Variants in CYP1A1 observed in about 807,000 individuals in gnomAD.
The protein encoded by CYP1A1 is cytochrome P450 1A1.
In CYP1A1, 43 loss-of-function variants were observed where a neutral mutation model predicts 33.6. The ratio of observed to expected loss-of-function variants is 1.28; its 90% CI spans 1.00 to 1.65. CYP1A1 has a LOEUF of 1.65. Among genes scored for constraint, CYP1A1 ranks in the 40% most tolerant of loss-of-function variants. The probability of loss-of-function intolerance (pLI) is 0.00; values close to 1 mark genes in which losing one functional copy is unlikely to be tolerated. For synonymous variants in CYP1A1, 280 were observed against 257.8 expected (o/e 1.09, Z -0.83); for missense variants, 637 against 653.7 (o/e 0.97, Z 0.28).
At chr15:74,721,542 G>A in intron 3 of CYP1A1, 39 bp from the exon 4 acceptor site, 4 of 1,614,170 alleles carry the variant, frequency 2.5e-6, no homozygotes, top group Non-Finnish European at 3.4e-6. Context: ...GCAGGCAGCA[G>A]CAGGTCAGGG....
At chr15:74,724,168 C>T (rs761549094) in intron 1 of CYP1A1, among the ~76,000 whole-genome samples, 24 of 152,032 alleles carry the variant, frequency 1.6e-4, no homozygotes, top group Non-Finnish European at 3.2e-4. Context: ...TGCAGGTTAC[C>T]AGAGAGCAGA....
chr15:74,723,103 GTGTAGGGATCT>G lies in CYP1A1; in HGVS notation c.-17_-7del. The stretch of plus-strand genomic sequence containing the variant: ...ATGGAGATTGGGAAAAGCATGATCA[GTGTAGGGATCT>G]TGGAGGTGGCTGCTGAGAGAAGGTG... On this transcript the variant is annotated 5_prime_UTR_variant, in exon 2 of 7. Transcript: ENST00000379727. The G allele has an allele frequency of 6.5e-7, 1 of 1,544,632 alleles. No homozygotes were observed. The highest frequency in any genetic ancestry group is 8.7e-7 in the Non-Finnish European group (1 of 1,144,326).
Position 74,720,962 on chromosome 15 carries a change from C to G in CYP1A1, c.1253+5G>C. On this transcript the variant is annotated splice_donor_5th_base_variant and intron_variant, in intron 6 of 6. Transcript: ENST00000379727. ...CCAGCCTTTCCTCTGCATCTCTGAA[C>G]TTACTGGTCATGGTTGATCTGCCAC... 2 of 1,614,048 alleles carry G rather than the reference C, an allele frequency of 1.2e-6. No homozygotes were observed. The highest frequency in any genetic ancestry group is 4.5e-5 in the East Asian group (2 of 44,882).
chr15:74,722,756 G>A lies in CYP1A1; in HGVS notation c.342C>T (p.Leu114=), dbSNP rs868849623. ...AGGACATGCTCTGACCATTACTGAT[G>A]AGGGTGAAGGTGTAGAGGTCGGGCC... The part of the protein sequence containing the change: ...KGRPDLYTFT[L]ISNGQSMSFS... Residue 114 remains leucine, a synonymous_variant, in exon 2 of 7, where the codon CTC becomes CTT. Coordinates refer to ENST00000379727, the MANE Select transcript of CYP1A1 (RefSeq NM_001319217.2). The A allele has an allele frequency of 1.2e-6, 2 of 1,613,676 alleles. No individual in the cohort carries two copies. Among genetic ancestry groups the A allele is most frequent in the East Asian group, 4.5e-5 (2 of 44,888 alleles).
rs766508885 is a variant in CYP1A1, at chr15:74,721,321, G to T, written c.1044C>A (p.Asp348Glu). Reference protein sequence around the residue: ...RVQRKIQEELDTVIGRSRRPR... With the variant: ...RVQRKIQEELETVIGRSRRPR... ...GCCGCCGTGACCTGCCAATCACTGT[G>T]TCTGCAGAACACAGGGACAAGATGG... Residue 348 changes from aspartate to glutamate, a missense_variant and splice_region_variant, in exon 5 of 7, where the codon GAC (aspartate) becomes GAA (glutamate). Asp to Glu is a conservative substitution (Grantham distance 45). Coordinates refer to ENST00000379727, the MANE Select transcript of CYP1A1 (RefSeq NM_001319217.2). 1.2e-6 allele frequency: 2 copies of T among 1,613,822 alleles called. No homozygotes were observed. The highest frequency in any genetic ancestry group is 1.7e-6 in the Non-Finnish European group (2 of 1,179,848).
intron 1 of CYP1A1, chr15:74,725,111 G>C (rs933338604): frequency 6.6e-6 from 1 of 152,532 alleles, no homozygotes; most frequent in African/African-American, 2.4e-5. Context: ...ACATATTCCA[G>C]CCTGCCAGGT....
chr15:74,722,876 C>T lies in CYP1A1; in HGVS notation c.222G>A (p.Leu74=). ...CGGGTGTGGAGCCAATTCGGATCTG[C>T]AGCACGTCCCCATACTGCTGGCTCA... ...SRMSQQYGDV[L]QIRIGSTPVV... is the part of the protein sequence containing the mutation. Residue 74 remains leucine, a synonymous_variant, in exon 2 of 7, where the codon CTG becomes CTA. Coordinates refer to ENST00000379727, the MANE Select transcript of CYP1A1 (RefSeq NM_001319217.2). The T allele has an allele frequency of 6.2e-7, 1 of 1,614,168 alleles. No homozygotes were observed. The highest frequency in any genetic ancestry group is 8.5e-7 in the Non-Finnish European group (1 of 1,180,044).
rs767797064 is a variant in CYP1A1 at position 74,722,400 on chromosome 15, G to T, written c.698C>A (p.Pro233Gln). The change falls in exon 2 of 7, where the codon CCA (proline) becomes CAA (glutamine). Residue 233 changes from proline (P) to glutamine (Q), a missense_variant. Pro to Gln is a moderately conservative substitution (Grantham distance 76). Coordinates refer to ENST00000379727, the MANE Select transcript of CYP1A1 (RefSeq NM_001319217.2). Reference sequence around the variant, plus strand: ...GCGAAGAATAGGGATGAAGTCAGCTGGGTTTCCAGAGCCAACCACCTCCCC... The same window carrying T: ...GCGAAGAATAGGGATGAAGTCAGCTTGGTTTCCAGAGCCAACCACCTCCCC... ...NFGEVVGSGN[P>Q]ADFIPILRYL... 6 of 1,614,054 alleles carry T rather than the reference G, an allele frequency of 3.7e-6. No individual in the cohort carries two copies. Among genetic ancestry groups the T allele is most frequent in the Non-Finnish European group, 5.1e-6 (6 of 1,180,028 alleles).
chr15:74,722,182 C>G (rs914831452), intron 2 of CYP1A1, 91 bp downstream of exon 2: 1 of 1,075,532 alleles, frequency 9.3e-7, no homozygotes, highest in South Asian at 1.5e-5. Context: ...TGAGAACTTG[C>G]CAAGCCCCAT....
chr15:74,723,231 T>C (rs2063188948), intron 1 of CYP1A1, 105 bp from the exon 2 acceptor site: 1 of 644,782 alleles, frequency 1.6e-6, no homozygotes, highest in Admixed American at 3.1e-5. Flanking sequence ...CCACCAGAAC[T>C]GCTTACTGGG....
intron 1 of CYP1A1, chr15:74,725,034 C>T (rs2063204692): frequency 6.6e-6 from 1 of 152,276 alleles, no homozygotes; most frequent in African/African-American, 2.4e-5. Context: ...CCCAGCCCAC[C>T]CCCTCCATCC....
Position 74,722,917 on chromosome 15 carries a change from G to C in CYP1A1, c.181C>G (p.Leu61Val), listed in dbSNP as rs773817962. The C allele has an allele frequency of 6.2e-7, 1 of 1,614,198 alleles. No individual in the cohort carries two copies. Among genetic ancestry groups the C allele is most frequent in the East Asian group, 2.2e-5 (1 of 44,878 alleles). Residue 61 changes from leucine (L) to valine (V), a missense_variant, in exon 2 of 7, where the codon CTG (leucine) becomes GTG (valine). Coordinates refer to ENST00000379727, the MANE Select transcript of CYP1A1 (RefSeq NM_001319217.2). Reference sequence around the variant, plus strand: ...TGCTGGCTCATCCTTGACAGTGCCAGGTGCGGGTTCTTTCCCAGGGTCAGC... The same window carrying C: ...TGCTGGCTCATCCTTGACAGTGCCACGTGCGGGTTCTTTCCCAGGGTCAGC... ...HMLTLGKNPH[L>V]ALSRMSQQYG...
At position 74,721,417 on chromosome 15, in the gene CYP1A1, G is replaced by C. The variant is rs2063169130; in HGVS notation, c.1039C>G (p.Leu347Val). Residue 347 changes from leucine (L) to valine (V), a missense_variant, in exon 4 of 7, where the codon CTA (leucine) becomes GTA (valine). Coordinates refer to ENST00000379727, the MANE Select transcript of CYP1A1 (RefSeq NM_001319217.2). ...PRVQRKIQEE[L>V]DTVIGRSRRP... ...TTTGAAGGGAGCCACTACCTACCTA[G>C]CTCCTCTTGGATCTTTCTCTGTACC... The C allele has an allele frequency of 1.9e-6, 3 of 1,614,032 alleles. No homozygotes were observed. The Admixed American group carries it at 5.0e-5, about 27-fold the overall frequency.
At position 74,720,521 on chromosome 15, in the gene CYP1A1, A is replaced by AGCAG; in HGVS notation, c.1503_1506dup (p.Cys503LeufsTer3). The AGCAG allele has an allele frequency of 6.3e-7, 1 of 1,592,594 alleles. No individual in the cohort carries two copies. Among genetic ancestry groups the AGCAG allele is most frequent in the Non-Finnish European group, 8.6e-7 (1 of 1,169,570 alleles). On this transcript the variant is annotated frameshift_variant, in exon 7 of 7. Transcript: ENST00000379727. LOFTEE classifies it high-confidence loss of function. ...CGCAGCTGCATTTGGAAGTGCTCAC[A>AGCAG]GCAGGCATGCTTCATGGTTAGCCCA... is the stretch of plus-strand genomic sequence containing the variant.
rs1466561683 is a variant in CYP1A1, at chr15:74,721,207, G to A, written c.1158C>T (p.Ile386=). 4.3e-6 allele frequency: 7 copies of A among 1,612,392 alleles called. No homozygotes were observed. The South Asian group carries it at 6.6e-5, about 15-fold the overall frequency. ...GCTCCATGGGGCCTTACCTGTGGGGGATGGTGAAGGGGACGAAGGAAGAGT... is the reference window on the plus strand; with the variant it reads ...GCTCCATGGGGCCTTACCTGTGGGGAATGGTGAAGGGGACGAAGGAAGAGT... ...FRHSSFVPFT[I]PHSTTRDTSL... is the part of the protein sequence containing the mutation. The change falls in exon 5 of 7, where the codon ATC becomes ATT. Residue 386 remains isoleucine (I), a synonymous_variant. Transcript: ENST00000379727.
rs2063174578 is a variant in CYP1A1 at position 74,722,068 on chromosome 15, G to C, written c.825+205C>G. Reference sequence around the variant, plus strand: ...TAATGACTCTTCAGTGGCTATTGCTGTCTGTGGAAGCATGGAAGGGTTAGT... The same window carrying C: ...TAATGACTCTTCAGTGGCTATTGCTCTCTGTGGAAGCATGGAAGGGTTAGT... On this transcript the variant is annotated intron_variant, in intron 2 of 6. Transcript: ENST00000379727. 3 of 604,474 alleles carry C rather than the reference G, an allele frequency of 5.0e-6. No homozygotes were observed. The South Asian group carries it at 6.2e-5, about 12-fold the overall frequency. The allele number at this position is 604,474 out of a possible 1,614,324, so 37.4% of individuals were successfully genotyped here.
Position 74,720,572 on chromosome 15 carries a change from C to A in CYP1A1, c.1456G>T (p.Val486Leu), listed in dbSNP as rs749223641. The A allele has an allele frequency of 3.7e-6, 6 of 1,613,002 alleles. No individual in the cohort carries two copies. The highest frequency in any genetic ancestry group is 4.2e-6 in the Non-Finnish European group (5 of 1,179,516). The change falls in exon 7 of 7, where the codon GTG becomes TTG. Residue 486 changes from valine (V) to leucine (L), a missense_variant. By Grantham distance (32) the Val-to-Leu change is conservative (BLOSUM62 1). Transcript: ENST00000379727. ...TAGATGGGGGTCATGTCCACCTTCA[C>A]GCCCAGTGGCACGCTGAATTCCACC... The part of the protein sequence containing the change: ...QRVEFSVPLG[V>L]KVDMTPIYGL...
At position 74,720,584 on chromosome 15, in the gene CYP1A1, C is replaced by G; in HGVS notation, c.1444G>C (p.Val482Leu). The G allele has an allele frequency of 6.2e-7, 1 of 1,613,722 alleles. No homozygotes were observed. Among genetic ancestry groups the G allele is most frequent in the South Asian group, 1.1e-5 (1 of 91,002 alleles). Reference sequence around the variant, plus strand: ...ATGTCCACCTTCACGCCCAGTGGCACGCTGAATTCCACCCGTTGCAGCAGG... The same window carrying G: ...ATGTCCACCTTCACGCCCAGTGGCAGGCTGAATTCCACCCGTTGCAGCAGG... ...AILLQRVEFS[V>L]PLGVKVDMTP... Residue 482 changes from valine to leucine, a missense_variant, in exon 7 of 7, where the codon GTG becomes CTG. Physicochemically the swap from Val to Leu is conservative, Grantham distance 32. Transcript: ENST00000379727.
chr15:74,721,497 T>C lies in CYP1A1; in HGVS notation c.959A>G (p.Asp320Gly), dbSNP rs781013981. Residue 320 changes from aspartate to glycine, a missense_variant, in exon 4 of 7, where the codon GAC becomes GGC. Transcript: ENST00000379727. ...IVLDLFGAGF[D>G]TVTTAISWSL... ...CCAGGAGATAGCAGTTGTGACTGTGTCAAACCCTGGACAGGGTAGAACAGA... is the reference window on the plus strand; with the variant it reads ...CCAGGAGATAGCAGTTGTGACTGTGCCAAACCCTGGACAGGGTAGAACAGA... 1.2e-6 allele frequency: 2 copies of C among 1,614,142 alleles called. No homozygotes were observed. The highest frequency in any genetic ancestry group is 2.2e-5 in the South Asian group (2 of 91,086).
Sources: allele counts gnomAD v4.1 joint callset (sites outside exome capture counted in the v4.1 genomes callset), GRCh38; gene constraint gnomAD v4.1.1; transcripts MANE v1.5; gene names NCBI Gene and HGNC (gene_info 2026-07-23, HGNC 2026-07-21).